Variants in KIAA0319L observed in about 807,000 individuals in gnomAD.
KIAA0319L encodes the protein KIAA0319 like.
KIAA0319L carries 55 observed loss-of-function variants against 120.1 expected under a neutral mutation model. The observed-to-expected ratio is 0.46, with a 90% confidence interval of 0.37 to 0.57. The LOEUF is 0.57. Among genes scored for constraint, KIAA0319L ranks in the 20% least tolerant of loss-of-function variants. KIAA0319L has a pLI of 0.00. For synonymous variants in KIAA0319L, 398 were observed against 471.9 expected, an observed-to-expected ratio of 0.84 and a Z score of 2.03; for missense variants, 1,049 against 1,255.3, an observed-to-expected ratio of 0.84 and a Z score of 2.48.
At position 35,434,759 on chromosome 1, in the gene KIAA0319L, C is replaced by T; in HGVS notation, c.*135G>A. ...TGGAGGACGTCTCTGGATTCAAGTCCCAGGGGTTCTGGTTGGGACTGTCAG... is the reference window on the plus strand; with the variant it reads ...TGGAGGACGTCTCTGGATTCAAGTCTCAGGGGTTCTGGTTGGGACTGTCAG... On this transcript the variant is annotated 3_prime_UTR_variant, in exon 21 of 21. Coordinates refer to ENST00000325722, the MANE Select transcript of KIAA0319L (RefSeq NM_024874.5). 1 of 687,594 alleles carries T rather than the reference C, an allele frequency of 1.5e-6. No homozygotes were observed. The highest frequency in any genetic ancestry group is 2.4e-6 in the Non-Finnish European group (1 of 417,356). 42.6% of individuals were successfully genotyped at this position (687,594 alleles called of 1,614,324 possible). A position where few individuals can be genotyped will look rare whatever the true frequency, so the allele number is the denominator to read the frequency against.
rs964957525 is a variant in KIAA0319L, at chr1:35,453,375, A to G, written c.1913+182T>C. Among the ~76,000 whole-genome samples the G allele has an allele frequency of 1.3e-5, 2 of 152,216 alleles. No homozygotes were observed. The highest frequency in any genetic ancestry group is 4.8e-5 in the African/African-American group (2 of 41,446). On this transcript the variant is annotated intron_variant, in intron 12 of 20. Coordinates refer to ENST00000325722, the MANE Select transcript of KIAA0319L (RefSeq NM_024874.5). The surrounding 1 kb of genome is among the most constrained non-coding windows in gnomAD (Gnocchi z 4.1). ...TGATGGCAAGCATTCTTTTTTTCTTACAAAAATTATGATTATAATATCATT... is the reference window on the plus strand; with the variant it reads ...TGATGGCAAGCATTCTTTTTTTCTTGCAAAAATTATGATTATAATATCATT...
intron 3 of KIAA0319L, among the ~76,000 whole-genome samples, chr1:35,482,428 G>A (rs1392309195): frequency 1.3e-5 from 2 of 148,148 alleles, no homozygotes; most frequent in Non-Finnish European, 3.0e-5. Flanking sequence ...TCATCTACAG[G>A]TCTTTTTTTT....
intron 2 of KIAA0319L, chr1:35,509,907 G>A (rs1053860269): frequency 1.3e-5 from 2 of 152,330 alleles, no homozygotes; most frequent in East Asian, 1.9e-4. Flanking sequence ...GAGCCTGGAT[G>A]GAGGCGTCAG....
At chr1:35,544,414 C>A (rs1646910182) in intron 2 of KIAA0319L, among the ~76,000 whole-genome samples, 1 of 147,466 alleles carries the variant, frequency 6.8e-6, no homozygotes, top group African/African-American at 2.5e-5. Flanking sequence ...CCACTCCATA[C>A]AATAGGATTC....
chr1:35,555,045 T>C (rs903175426), intron 1 of KIAA0319L: 2 of 152,276 alleles, frequency 1.3e-5, no homozygotes, highest in Non-Finnish European at 2.9e-5. Context: ...ACCACTATTA[T>C]CATGAAAATC....
At chr1:35,556,425 T>A (rs536366585) in intron 1 of KIAA0319L, 1 of 152,236 alleles carries the variant, frequency 6.6e-6, no homozygotes, top group African/African-American at 2.4e-5. Flanking sequence ...AGCTCTTTTT[T>A]AAAAAGTCTC....
chr1:35,435,189 C>T, intron 20 of KIAA0319L, 108 bp from the exon 21 acceptor site: 2 of 988,534 alleles, frequency 2.0e-6, no homozygotes, highest in Non-Finnish European at 3.1e-6. Context: ...AAGTCACAGG[C>T]TCCTCTCCAG....
intron 2 of KIAA0319L, among the ~76,000 whole-genome samples, chr1:35,518,034 G>A (rs1269141841): frequency 6.6e-6 from 1 of 152,170 alleles, no homozygotes; most frequent in Admixed American, 6.5e-5. Context: ...TCTCATACCA[G>A]TCAGAATGGC....
At chr1:35,466,418 A>G (rs1308044331) in intron 7 of KIAA0319L, among the ~76,000 whole-genome samples, 190 bp downstream of exon 7, 2 of 152,222 alleles carry the variant, frequency 1.3e-5, no homozygotes, top group African/African-American at 4.8e-5. Context: ...CCAGCTCAGC[A>G]TTCCAACTAG....
At chr1:35,435,989 AG>A (rs943794912) in intron 20 of KIAA0319L, among the ~76,000 whole-genome samples, 28 of 152,304 alleles carry the variant, frequency 1.8e-4, no homozygotes, top group African/African-American at 5.8e-4. Context: ...GCCCACGCCC[AG>A]GAGCTAACCT....
chr1:35,459,718 A>G (rs1642755459), intron 9 of KIAA0319L, among the ~76,000 whole-genome samples: 1 of 152,224 alleles, frequency 6.6e-6, no homozygotes, highest in South Asian at 2.1e-4. Flanking sequence ...TGATACTCAT[A>G]TATTAATACA....
At chr1:35,544,650 C>G (rs991513303) in intron 2 of KIAA0319L, among the ~76,000 whole-genome samples, 10 of 152,148 alleles carry the variant, frequency 6.6e-5, no homozygotes, top group Non-Finnish European at 5.9e-5. Context: ...TTTATTGCCA[C>G]CTACTACAGC....
chr1:35,528,197 CTT>C (rs1233646412), intron 2 of KIAA0319L, among the ~76,000 whole-genome samples: 2 of 152,238 alleles, frequency 1.3e-5, no homozygotes, highest in African/African-American at 4.8e-5. Context: ...AAGAGATCCT[CTT>C]GTCTCAGCCT....
intron 1 of KIAA0319L, among the ~76,000 whole-genome samples, chr1:35,556,115 A>C (rs1323856084): frequency 1.3e-5 from 2 of 152,250 alleles, no homozygotes; most frequent in Admixed American, 1.3e-4. Flanking sequence ...ACCCAGGGAG[A>C]GAACACACAC....
intron 2 of KIAA0319L, among the ~76,000 whole-genome samples, chr1:35,551,156 C>T (rs951479664): frequency 6.6e-6 from 1 of 152,184 alleles, no homozygotes; most frequent in Admixed American, 6.5e-5. Flanking sequence ...CACATCACCC[C>T]TTGGCAGCAC....
At chr1:35,496,210 A>G (rs1470030677) in intron 3 of KIAA0319L, among the ~76,000 whole-genome samples, 1 of 152,212 alleles carries the variant, frequency 6.6e-6, no homozygotes, top group Non-Finnish European at 1.5e-5. Context: ...ACTTGAGGTC[A>G]GGGGTTCGAT....
chr1:35,476,191 A>AC (rs1269236021), intron 4 of KIAA0319L, among the ~76,000 whole-genome samples: 1 of 152,188 alleles, frequency 6.6e-6, no homozygotes, highest in Non-Finnish European at 1.5e-5. Context: ...GATATTTTGG[A>AC]CCAGGTAATT....
At chr1:35,543,036 T>C (rs907098980) in intron 2 of KIAA0319L, among the ~76,000 whole-genome samples, 3 of 152,258 alleles carry the variant, frequency 2.0e-5, no homozygotes, top group Non-Finnish European at 4.4e-5. Context: ...ACCAAAATTA[T>C]GGTTTTCCAA....
intron 2 of KIAA0319L, among the ~76,000 whole-genome samples, chr1:35,549,086 T>G (rs1162707842): frequency 1.3e-5 from 2 of 151,960 alleles, no homozygotes; most frequent in Non-Finnish European, 2.9e-5. Context: ...GGTCTCCCTC[T>G]GTCACCCACA....
Sources: allele counts gnomAD v4.1 joint callset (sites outside exome capture counted in the v4.1 genomes callset), GRCh38; gene constraint gnomAD v4.1.1; non-coding constraint Gnocchi (gnomAD v3.1); transcripts MANE v1.5; gene names NCBI Gene and HGNC (gene_info 2026-07-23, HGNC 2026-07-21).